The following ZNF83 variants were observed in gnomAD, a reference collection of about 807,000 sequenced individuals.
ZNF83 encodes the protein zinc finger protein 83.
For synonymous variants in ZNF83, 209 were observed against 213.0 expected, an observed-to-expected ratio of 0.98 and a Z score of 0.17; for missense variants, 552 against 629.9, an observed-to-expected ratio of 0.88 and a Z score of 1.32.
intron 1 of ZNF83, chr19:52,636,955 G>C (rs2061168608): frequency 6.6e-6 from 1 of 152,342 alleles, no homozygotes; most frequent in Admixed American, 6.6e-5. Flanking sequence ...ACTGCGCCCA[G>C]CCCATCTTTC....
intron 2 of ZNF83, among the ~76,000 whole-genome samples, chr19:52,630,952 G>A (rs1029400183): frequency 2.0e-5 from 3 of 149,532 alleles, no homozygotes; most frequent in East Asian, 2.0e-4. Context: ...TCCACCCCAT[G>A]GTGCCAAACC....
intron 1 of ZNF83, among the ~76,000 whole-genome samples, chr19:52,662,849 T>G (rs1436179383): frequency 6.6e-6 from 1 of 151,986 alleles, no homozygotes; most frequent in Non-Finnish European, 1.5e-5. Flanking sequence ...CAACAGAATG[T>G]GTTGGTTTTT....
intron 2 of ZNF83, among the ~76,000 whole-genome samples, chr19:52,624,801 C>T (rs1490335122): frequency 6.6e-6 from 1 of 152,178 alleles, no homozygotes; most frequent in Non-Finnish European, 1.5e-5. Flanking sequence ...AAGTCACAAA[C>T]TATGCTCAAC....
In ZNF83 at chr19:52,659,613, C is replaced by CA. The variant is rs67918270; in HGVS notation, c.-201+1148dup. On this transcript the variant is annotated intron_variant, in intron 2 of 5. Transcript: ENST00000594682. ...ACCTCAACAGAGCAAGACTCCAACT[C>CA]AAAAAAAAAAAAAAGAGTACCAGAA... Among the ~76,000 whole-genome samples, 1,013 of 114,224 alleles carry CA rather than the reference C, an allele frequency of 8.9e-3. 26 individuals are homozygous for CA. The highest frequency in any genetic ancestry group is 0.036 in the South Asian group (121 of 3,378). 74.9% of individuals were successfully genotyped at this position (114,224 alleles called of 152,430 possible). A position where few individuals can be genotyped will look rare whatever the true frequency, so the allele number is the denominator to read the frequency against.
intron 2 of ZNF83, among the ~76,000 whole-genome samples, chr19:52,656,226 CTA>C (rs140320453): frequency 0.42 from 60,083 of 144,658 alleles, 12,272 homozygotes; most frequent in Middle Eastern, 0.47. Flanking sequence ...CTCTCTCTCT[CTA>C]TATATATATA....
exon 3 of ZNF83, chr19:52,614,730 G>A: frequency 7.6e-7 from 1 of 1,318,868 alleles, no homozygotes; most frequent in Non-Finnish European, 9.7e-7. Context: ...TTACTGTCTG[G>A]AATATTTCTC....
chr19:52,676,298 G>C (rs1233129047), intron 1 of ZNF83, among the ~76,000 whole-genome samples: 1 of 152,192 alleles, frequency 6.6e-6, no homozygotes, highest in Non-Finnish European at 1.5e-5. Flanking sequence ...TGGTGCCCAG[G>C]CTGGAGTGCA....
At chr19:52,613,402 A>G (rs766244191) in exon 3 of ZNF83, 1 of 1,613,718 alleles carries the variant, frequency 6.2e-7, no homozygotes, top group Admixed American at 1.7e-5. Flanking sequence ...ATGTTGTACA[A>G]GATGTGAATT....
chr19:52,614,587 T>TC, exon 3 of ZNF83: 1 of 1,554,718 alleles, frequency 6.4e-7, no homozygotes, highest in Non-Finnish European at 8.7e-7. Flanking sequence ...AATGAGACTT[T>TC]CCTTATAGGT....
intron 2 of ZNF83, among the ~76,000 whole-genome samples, chr19:52,630,120 T>C (rs939496980): frequency 6.6e-6 from 1 of 150,432 alleles, no homozygotes; most frequent in Non-Finnish European, 1.5e-5. Flanking sequence ...GTGTCCCATC[T>C]GTGTGGGACC....
chr19:52,689,007 GCTT>G (rs2062097674), intron 1 of ZNF83, among the ~76,000 whole-genome samples: 2 of 149,872 alleles, frequency 1.3e-5, no homozygotes, highest in South Asian at 4.2e-4. Flanking sequence ...CTTTTTCCAG[GCTT>G]CTTAAGCATT....
At chr19:52,681,027 G>A (rs1423866366) in intron 1 of ZNF83, among the ~76,000 whole-genome samples, 1 of 151,784 alleles carries the variant, frequency 6.6e-6, no homozygotes, top group Non-Finnish European at 1.5e-5. Flanking sequence ...GCTCATGCCT[G>A]TAATCAAAAC....
chr19:52,674,861 C>G (rs1289361936), intron 1 of ZNF83, among the ~76,000 whole-genome samples: 1 of 152,178 alleles, frequency 6.6e-6, no homozygotes, highest in African/African-American at 2.4e-5. Flanking sequence ...AACGCCCATA[C>G]AAATCCCTAT....
intron 1 of ZNF83, among the ~76,000 whole-genome samples, chr19:52,686,909 C>G (rs1431674867): frequency 6.6e-6 from 1 of 152,040 alleles, no homozygotes; most frequent in African/African-American, 2.4e-5. Flanking sequence ...GGGCTGGGTG[C>G]AGTGGCTCAC....
At chr19:52,654,144 C>CTTG in intron 3 of ZNF83, 1 of 1,605,844 alleles carries the variant, frequency 6.2e-7, no homozygotes, top group Non-Finnish European at 8.5e-7. Flanking sequence ...CTTTAATAGG[C>CTTG]TTGTTTCCAG....
At chr19:52,680,731 G>A (rs1048279552) in intron 1 of ZNF83, among the ~76,000 whole-genome samples, 1 of 138,544 alleles carries the variant, frequency 7.2e-6, no homozygotes, top group Non-Finnish European at 1.5e-5. Flanking sequence ...TCCTGCCTCA[G>A]CCTCCCGAGT....
At chr19:52,686,071 C>T (rs527793660) in intron 1 of ZNF83, among the ~76,000 whole-genome samples, 2 of 152,090 alleles carry the variant, frequency 1.3e-5, no homozygotes, top group East Asian at 3.9e-4. Context: ...GGAAAGAAAA[C>T]TGAAAAATAG....
chr19:52,639,413 CTATTTTTT>C (rs1392788375), upstream of ZNF83, among the ~76,000 whole-genome samples: 38 of 53,884 alleles, frequency 7.1e-4, 1 homozygote, highest in East Asian at 0.022. Flanking sequence ...TTAGTTTTTT[CTATTTTTT>C]TTTTTTTTTT....
intron 2 of ZNF83, among the ~76,000 whole-genome samples, chr19:52,630,277 ACAG>A (rs2060905997): frequency 1.3e-5 from 2 of 152,190 alleles, no homozygotes; most frequent in African/African-American, 4.8e-5. Context: ...TCGGAAGCCT[ACAG>A]GACCATCACA....
Sources: gnomAD v4.1 joint callset for allele counts (sites outside exome capture counted in the v4.1 genomes callset) on GRCh38, gnomAD v4.1.1 for gene constraint, MANE v1.5 for transcripts, NCBI Gene and HGNC (gene_info 2026-07-23, HGNC 2026-07-21) for gene names.